THSD4: variants seen among roughly 807,000 people sequenced by gnomAD.
THSD4 encodes the protein thrombospondin type 1 domain containing 4.
A neutral mutation model predicts 119.0 loss-of-function variants in THSD4; 69 were observed. That is an observed-to-expected ratio of 0.58 (90% CI 0.48 to 0.71). The LOEUF (loss-of-function observed/expected upper bound fraction) is 0.71, where lower values mean the gene tolerates loss of function less well. Ranked by LOEUF, THSD4 falls within the 30% of genes least tolerant of loss-of-function variation. The pLI, the probability that THSD4 is intolerant of heterozygous loss-of-function variation, is 0.00. For missense variants in THSD4, 1,393 were observed against 1,391.1 expected, an observed-to-expected ratio of 1.00 and a Z score of -0.02; for synonymous variants, 524 against 540.4, an observed-to-expected ratio of 0.97 and a Z score of 0.42.
intron 1 of THSD4, among the ~76,000 whole-genome samples, chr15:71,124,315 T>C (rs2040434605): frequency 6.6e-6 from 1 of 152,248 alleles, no homozygotes. Context: ...TTTAATTTCA[T>C]ATAATTTTTA....
At chr15:71,541,993 G>T (rs1167037374) in intron 7 of THSD4, among the ~76,000 whole-genome samples, 1 of 152,200 alleles carries the variant, frequency 6.6e-6, no homozygotes, top group East Asian at 1.9e-4. Flanking sequence ...GTCATATGAA[G>T]GGATTTGGAC....
At chr15:71,409,163 C>CG (rs1491084077) in intron 6 of THSD4, among the ~76,000 whole-genome samples, 1 of 147,190 alleles carries the variant, frequency 6.8e-6, no homozygotes, top group Non-Finnish European at 1.5e-5. Flanking sequence ...TTTCCCCCCC[C>CG]CTCAGAATGT....
rs150671812 is a variant in THSD4, at chr15:71,703,095, C to G, written c.1358-25454C>G. On this transcript the variant is annotated intron_variant, in intron 8 of 17. Transcript: ENST00000261862. ...TCCTGGGTTCGAAGGATTCTCCTGC[C>G]TTCTGAGTAGCTGGAATTACAGGCA... Among the ~76,000 whole-genome samples the G allele has an allele frequency of 1.8e-3, 278 of 152,170 alleles. 4 individuals are homozygous for G. The highest frequency in any genetic ancestry group is 2.5e-3 in the Non-Finnish European group (167 of 68,012).
intron 8 of THSD4, among the ~76,000 whole-genome samples, chr15:71,693,389 G>C (rs2052094947): frequency 6.6e-6 from 1 of 152,232 alleles, no homozygotes; most frequent in African/African-American, 2.4e-5. Context: ...GCTCACACCT[G>C]TAATCCCAGC....
intron 10 of THSD4, among the ~76,000 whole-genome samples, chr15:71,735,582 TTC>T (rs948014020): frequency 5.5e-5 from 8 of 146,730 alleles, no homozygotes; most frequent in Admixed American, 2.7e-4. Flanking sequence ...CACTCTCTGT[TTC>T]TCTCTCTCTC....
intron 7 of THSD4, among the ~76,000 whole-genome samples, chr15:71,509,363 A>T (rs1182659532): frequency 6.6e-6 from 1 of 152,184 alleles, no homozygotes; most frequent in African/African-American, 2.4e-5. Flanking sequence ...GCAAACACTG[A>T]TATCCATGCT....
At position 71,608,237 on chromosome 15, in the gene THSD4, A is replaced by AAAT. The variant is rs537013275; in HGVS notation, c.1153-52292_1153-52291insATA. On this transcript the variant is annotated intron_variant, in intron 7 of 17. Transcript: ENST00000261862. ...AACTCTGTCTCAAAAAAAAAAAAAA[A>AAAT]ATATATATATATACACACACACACA... Among the ~76,000 whole-genome samples the AAAT allele has an allele frequency of 3.2e-3, 355 of 111,562 alleles. 4 individuals are homozygous for AAAT. The highest frequency in any genetic ancestry group is 0.019 in the South Asian group (53 of 2,856). The allele number at this position is 111,562 out of a possible 152,430, so 73.2% of individuals were successfully genotyped here. A position where few individuals can be genotyped will look rare whatever the true frequency, so the allele number is the denominator to read the frequency against.
intron 6 of THSD4, among the ~76,000 whole-genome samples, chr15:71,261,864 C>G (rs2044403962): frequency 6.6e-6 from 1 of 152,164 alleles, no homozygotes; most frequent in Non-Finnish European, 1.5e-5. Context: ...TTTCACATGC[C>G]TAGAAGGAGA....
At chr15:71,182,137 T>A (rs1567148651) in intron 3 of THSD4, among the ~76,000 whole-genome samples, 1 of 151,944 alleles carries the variant, frequency 6.6e-6, no homozygotes, top group African/African-American at 2.4e-5. Context: ...CTTAAAGAAC[T>A]CTTTTTGGTA....
rs1443932151 is a variant in THSD4 at position 71,783,230 on chromosome 15, A to G, written c.*5856A>G. The G allele has an allele frequency of 6.6e-6, 1 of 152,190 alleles. No individual in the cohort carries two copies. The highest frequency in any genetic ancestry group is 1.5e-5 in the Non-Finnish European group (1 of 68,030). The allele number at this position is 152,190 out of a possible 1,614,324, so 9.4% of individuals were successfully genotyped here. ...AAAATGACTATTTTTGTGTGTGACT[A>G]ATTTATTTTTATTATTGTAAAGATA... On this transcript the variant is annotated 3_prime_UTR_variant, in exon 18 of 18. Coordinates refer to ENST00000261862, the MANE Select transcript of THSD4 (RefSeq NM_024817.3).
At chr15:71,663,945 G>T (rs1046700322) in intron 8 of THSD4, among the ~76,000 whole-genome samples, 1 of 151,952 alleles carries the variant, frequency 6.6e-6, no homozygotes, top group Non-Finnish European at 1.5e-5. Flanking sequence ...TAAAGGAAAT[G>T]AATACTTCAC....
intron 17 of THSD4, among the ~76,000 whole-genome samples, chr15:71,773,118 T>C (rs1200555304): frequency 6.8e-6 from 1 of 146,762 alleles, no homozygotes; most frequent in Non-Finnish European, 1.5e-5. Flanking sequence ...GGAGGATCAC[T>C]TGAACTCAAG....
intron 4 of THSD4, among the ~76,000 whole-genome samples, chr15:71,223,597 G>T (rs2043992148): frequency 6.6e-6 from 1 of 152,178 alleles, no homozygotes; most frequent in Admixed American, 6.5e-5. Flanking sequence ...TTTGAATTCA[G>T]CCAATATTCT....
In THSD4 at chr15:71,507,610, T is replaced by G. The variant is rs149506748; in HGVS notation, c.1152+95787T>G. On this transcript the variant is annotated intron_variant, in intron 7 of 17. Transcript: ENST00000261862. The stretch of plus-strand genomic sequence containing the variant: ...AGAGAAGGGGAGTAGTCAGGCAGTT[T>G]CTAGCAGTTACCTCCCCACATTGCC... Among the ~76,000 whole-genome samples, 22 of 152,268 alleles carry G rather than the reference T, an allele frequency of 1.4e-4. No individual in the cohort carries two copies. In the East Asian group the frequency reaches 4.3e-3, roughly 29 times the overall value.
intron 7 of THSD4, among the ~76,000 whole-genome samples, chr15:71,503,946 C>T (rs1376025648): frequency 6.6e-6 from 1 of 152,140 alleles, no homozygotes; most frequent in Non-Finnish European, 1.5e-5. Context: ...CTAAATTGAC[C>T]ATGAAGAATC....
intron 8 of THSD4, among the ~76,000 whole-genome samples, chr15:71,722,043 C>A (rs1401234059): frequency 6.6e-6 from 1 of 152,048 alleles, no homozygotes; most frequent in South Asian, 2.1e-4. Flanking sequence ...TTGACATAGC[C>A]ATGAGGTTGC....
intron 8 of THSD4, among the ~76,000 whole-genome samples, chr15:71,677,025 A>G (rs1319224903): frequency 6.6e-6 from 1 of 152,252 alleles, no homozygotes; most frequent in Non-Finnish European, 1.5e-5. Context: ...AGAAACTGCC[A>G]AACTGCTGTC....
intron 15 of THSD4, among the ~76,000 whole-genome samples, chr15:71,764,393 C>G (rs2053679364): frequency 6.6e-6 from 1 of 152,212 alleles, no homozygotes; most frequent in African/African-American, 2.4e-5. Flanking sequence ...ATGTAATTGC[C>G]TGGCTTCTTT....
chr15:71,152,127 A>T (rs1029318458), intron 2 of THSD4, among the ~76,000 whole-genome samples: 6 of 152,152 alleles, frequency 3.9e-5, no homozygotes, highest in African/African-American at 1.2e-4. Flanking sequence ...ACAGTATATT[A>T]AAAGGAAAGT....
Sources: allele counts gnomAD v4.1 joint callset (sites outside exome capture counted in the v4.1 genomes callset), GRCh38; gene constraint gnomAD v4.1.1; transcripts MANE v1.5; gene names NCBI Gene and HGNC (gene_info 2026-07-23, HGNC 2026-07-21).